ATG4A: variants seen among roughly 807,000 people sequenced by gnomAD.
ATG4A encodes autophagy related 4A cysteine peptidase.
ATG4A carries 22 observed loss-of-function variants against 38.4 expected under a neutral mutation model. That is an observed-to-expected ratio of 0.57 (90% confidence interval 0.41 to 0.82). The LOEUF is 0.82. ATG4A is among the 40% of genes least tolerant of loss of function. The probability of loss-of-function intolerance (pLI) is 0.00; values close to 1 mark genes in which losing one functional copy is unlikely to be tolerated. For missense variants in ATG4A, 220 were observed against 290.0 expected (o/e 0.76, Z 1.75); for synonymous variants, 86 against 100.7 (o/e 0.85, Z 0.88).
At chrX:108,119,818 C>A (rs913388114) in intron 1 of ATG4A, among the ~76,000 whole-genome samples, 1 of 111,724 alleles carries the variant, frequency 9.0e-6, no homozygotes, top group Non-Finnish European at 1.9e-5. Context: ...AAAAATAAGT[C>A]GACACACTAT....
chrX:108,133,715 C>T (rs955922399), intron 4 of ATG4A, among the ~76,000 whole-genome samples: 2 of 112,176 alleles, frequency 1.8e-5, no homozygotes, highest in Non-Finnish European at 3.8e-5. Flanking sequence ...TACTGCCGGG[C>T]TTTGTGGTGA....
intron 9 of ATG4A, among the ~76,000 whole-genome samples, chrX:108,149,861 A>G (rs765175797): frequency 2.0e-4 from 22 of 112,591 alleles, no homozygotes; most frequent in Admixed American, 1.8e-3. Context: ...AGAGCCTGCC[A>G]TGCCATCTGT....
chrX:108,120,825 C>T (rs2032630056), intron 1 of ATG4A, among the ~76,000 whole-genome samples: 1 of 111,991 alleles, frequency 8.9e-6, no homozygotes, highest in Admixed American at 9.5e-5. Context: ...TAACACCAGT[C>T]AGTTAAATAG....
chrX:108,127,221 G>A (rs962049258), intron 2 of ATG4A: 6 of 112,737 alleles, frequency 5.3e-5, no homozygotes, highest in African/African-American at 1.6e-4. Flanking sequence ...AAATCTACTC[G>A]TATTCAAATG....
chrX:108,142,426 T>G (rs2148020212), intron 9 of ATG4A, among the ~76,000 whole-genome samples: 1 of 109,913 alleles, frequency 9.1e-6, no homozygotes, highest in African/African-American at 3.3e-5. Flanking sequence ...CAGGGTTCTC[T>G]AGAGGGCCAG....
chrX:108,102,818 T>G (rs1330145817), intron 1 of ATG4A, among the ~76,000 whole-genome samples: 1 of 110,247 alleles, frequency 9.1e-6, no homozygotes, highest in East Asian at 2.9e-4. Flanking sequence ...GGGCTGGATC[T>G]TTGCCCCCTT....
At chrX:108,150,425 A>G in intron 10 of ATG4A, 128 bp downstream of exon 10, 1 of 914,264 alleles carries the variant, frequency 1.1e-6, no homozygotes, top group Non-Finnish European at 1.5e-6. Flanking sequence ...GAGGCAGTAG[A>G]GTGTAGTGGG....
At chrX:108,130,266 T>A (rs2032920164) in intron 3 of ATG4A, among the ~76,000 whole-genome samples, 1 of 111,237 alleles carries the variant, frequency 9.0e-6, no homozygotes, top group Non-Finnish European at 1.9e-5. Flanking sequence ...TTGAAGTTAG[T>A]CTTCTGAGAT....
At chrX:108,108,719 TC>T (rs979908761) in intron 1 of ATG4A, among the ~76,000 whole-genome samples, 1 of 111,802 alleles carries the variant, frequency 8.9e-6, no homozygotes, top group Non-Finnish European at 1.9e-5. Flanking sequence ...AACTTTTTTA[TC>T]TTGGAAATCT....
intron 1 of ATG4A, among the ~76,000 whole-genome samples, chrX:108,111,188 A>G (rs1275201176): frequency 8.9e-6 from 1 of 112,317 alleles, no homozygotes; most frequent in East Asian, 2.8e-4. Context: ...GGTGTGAGCC[A>G]TCATGCCTGG....
intron 1 of ATG4A, among the ~76,000 whole-genome samples, chrX:108,115,122 T>TGCATGTATGC (rs1569303559): frequency 2.4e-4 from 25 of 103,863 alleles, no homozygotes; most frequent in African/African-American, 8.4e-4. Flanking sequence ...TGTATGCGTG[T>TGCATGTATGC]GTGTGTGTGT....
chrX:108,122,372 T>C (rs192634087), intron 1 of ATG4A, among the ~76,000 whole-genome samples: 3 of 111,906 alleles, frequency 2.7e-5, no homozygotes, highest in Admixed American at 1.9e-4. Context: ...TAGCATCAAA[T>C]TTTTCAGAAC....
chrX:108,112,598 T>C (rs776639069), intron 1 of ATG4A, among the ~76,000 whole-genome samples: 12 of 110,481 alleles, frequency 1.1e-4, no homozygotes, highest in South Asian at 3.9e-4. Context: ...GGTTTCACCA[T>C]GTTAGCCAGG....
At chrX:108,112,426 C>G (rs113162758) in intron 1 of ATG4A, among the ~76,000 whole-genome samples, 1 of 107,863 alleles carries the variant, frequency 9.3e-6, no homozygotes, top group African/African-American at 3.4e-5. Context: ...GAGTCTTGCT[C>G]TGTCGCCCTG....
intron 1 of ATG4A, among the ~76,000 whole-genome samples, chrX:108,098,712 A>G (rs2031910991): frequency 1.8e-5 from 2 of 111,904 alleles, no homozygotes; most frequent in Middle Eastern, 9.3e-3. Flanking sequence ...AGAATTTTAT[A>G]TATAATTAAA....
intron 9 of ATG4A, among the ~76,000 whole-genome samples, chrX:108,142,666 G>A (rs1300184236): frequency 9.0e-6 from 1 of 110,747 alleles, no homozygotes; most frequent in Non-Finnish European, 1.9e-5. Context: ...TTGAGGGCAG[G>A]AAGCATCCAG....
At chrX:108,116,387 G>A (rs1308693487) in intron 1 of ATG4A, among the ~76,000 whole-genome samples, 3 of 111,552 alleles carry the variant, frequency 2.7e-5, no homozygotes, top group African/African-American at 9.8e-5. Flanking sequence ...GTTGTAAACT[G>A]AGGAGAAAAC....
intron 6 of ATG4A, among the ~76,000 whole-genome samples, chrX:108,135,276 A>G (rs1371457771): frequency 8.9e-6 from 1 of 112,475 alleles, no homozygotes. Context: ...CGATGAATAC[A>G]TGAAAATGGC....
chrX:108,153,421 A>G (rs1350813921), intron 12 of ATG4A, among the ~76,000 whole-genome samples: 1 of 112,358 alleles, frequency 8.9e-6, no homozygotes, highest in African/African-American at 3.2e-5. Flanking sequence ...CCTTGGCCAC[A>G]TCACCGTCGT....
Sources: allele counts gnomAD v4.1 joint callset (sites outside exome capture counted in the v4.1 genomes callset), GRCh38; gene constraint gnomAD v4.1.1; transcripts MANE v1.5; gene names NCBI Gene and HGNC (gene_info 2026-07-23, HGNC 2026-07-21).